The following ZFHX4 variants were observed in gnomAD, a reference collection of about 807,000 sequenced individuals.
ZFHX4 encodes the protein zinc finger homeobox protein 4.
ZFHX4 carries 56 observed loss-of-function variants against 267.6 expected under a neutral mutation model. The observed-to-expected ratio is 0.21, with a 90% CI of 0.17 to 0.26. The LOEUF is 0.26. ZFHX4 is among the 10% of genes least tolerant of loss of function. ZFHX4 has a pLI of 1.00. For missense variants in ZFHX4, 4,332 were observed against 4,420.0 expected (o/e 0.98, Z 0.56); for synonymous variants, 1,778 against 1,665.6 (o/e 1.07, Z -1.64).
intron 4 of ZFHX4, among the ~76,000 whole-genome samples, chr8:76,825,539 C>G (rs544356708): frequency 2.6e-5 from 4 of 152,220 alleles, no homozygotes; most frequent in Non-Finnish European, 5.9e-5. Context: ...TTTTATGTCA[C>G]TGATGTTTCA....
Position 76,852,762 on chromosome 8 carries a change from A to G in ZFHX4, c.5841A>G (p.Glu1947=), listed in dbSNP as rs1317772989. 1 of 1,613,470 alleles carries G rather than the reference A, an allele frequency of 6.2e-7. No homozygotes were observed. The highest frequency in any genetic ancestry group is 8.5e-7 in the Non-Finnish European group (1 of 1,179,700). Residue 1947 remains glutamate, a synonymous_variant, in exon 10 of 11, where the codon GAA becomes GAG. Coordinates refer to ENST00000651372, the MANE Select transcript of ZFHX4 (RefSeq NM_024721.5). Reference sequence around the variant, plus strand: ...AAGGCGAAAACACTGACAAACTAGAATGTGGAACATGTGGTAAATTGTTTT... The same window carrying G: ...AAGGCGAAAACACTGACAAACTAGAGTGTGGAACATGTGGTAAATTGTTTT... ...SGEGENTDKL[E]CGTCGKLFSN...
At chr8:76,839,656 A>G (rs891281588) in intron 5 of ZFHX4, among the ~76,000 whole-genome samples, 1 of 152,226 alleles carries the variant, frequency 6.6e-6, no homozygotes, top group Non-Finnish European at 1.5e-5. Flanking sequence ...CATGTAATAT[A>G]TTAGTGAAGA....
At chr8:76,709,965 C>T (rs965692292) in intron 3 of ZFHX4, among the ~76,000 whole-genome samples, 1 of 151,772 alleles carries the variant, frequency 6.6e-6, no homozygotes, top group African/African-American at 2.4e-5. Context: ...TTATAACAAC[C>T]AATTAAGACA....
chr8:76,708,078 C>A (rs773981393), intron 3 of ZFHX4, 30 bp downstream of exon 3: 4 of 1,609,138 alleles, frequency 2.5e-6, no homozygotes, highest in Admixed American at 1.7e-5. Context: ...TCCGTTGGCA[C>A]AGAGTAGAAA....
chr8:76,742,681 T>C (rs1809351823), intron 3 of ZFHX4, among the ~76,000 whole-genome samples: 2 of 152,196 alleles, frequency 1.3e-5, no homozygotes, highest in South Asian at 4.1e-4. Flanking sequence ...ACACACTTAA[T>C]TGAACAGTAT....
rs1178584339 is a variant in ZFHX4 at position 76,853,573 on chromosome 8, T to C, written c.6652T>C (p.Tyr2218His). The C allele has an allele frequency of 6.2e-7, 1 of 1,613,816 alleles. No individual in the cohort carries two copies. The highest frequency in any genetic ancestry group is 8.5e-7 in the Non-Finnish European group (1 of 1,179,854). The change falls in exon 10 of 11, where the codon TAC becomes CAC. Residue 2218 changes from tyrosine to histidine, a missense_variant. Tyr to His is a moderately conservative substitution (Grantham distance 83). This residue lies in a region of ZFHX4 where 62 missense variants were observed against 69.8 expected (regional missense o/e 0.89). Coordinates refer to ENST00000651372, the MANE Select transcript of ZFHX4 (RefSeq NM_024721.5). ...IDPQPTSLEHYKSDASFSKRS... is the reference protein window; with the variant it reads ...IDPQPTSLEHHKSDASFSKRS... ...TCCACAGCCCACCTCTTTAGAACAT[T>C]ACAAATCTGATGCATCATTCAGTAA...
chr8:76,773,966 A>G (rs1320685401), intron 3 of ZFHX4, among the ~76,000 whole-genome samples: 2 of 152,096 alleles, frequency 1.3e-5, no homozygotes, highest in African/African-American at 4.8e-5. Context: ...CTGTGAAACT[A>G]AGAATTCTGT....
At chr8:76,761,524 G>T (rs1039872520) in intron 3 of ZFHX4, among the ~76,000 whole-genome samples, 5 of 151,920 alleles carry the variant, frequency 3.3e-5, no homozygotes, top group Admixed American at 2.6e-4. Context: ...ATTACAGTTA[G>T]GTTATTATAT....
At chr8:76,764,145 G>T (rs1408631114) in intron 3 of ZFHX4, among the ~76,000 whole-genome samples, 2 of 152,046 alleles carry the variant, frequency 1.3e-5, no homozygotes, top group African/African-American at 4.8e-5. Context: ...ACTATACAAA[G>T]AACTATGAAA....
At chr8:76,712,557 G>C (rs548109456) in intron 3 of ZFHX4, among the ~76,000 whole-genome samples, 1 of 151,918 alleles carries the variant, frequency 6.6e-6, no homozygotes, top group Non-Finnish European at 1.5e-5. Context: ...CGGTGTGATG[G>C]TAAAGGAAGT....
rs2131990143 is a variant in ZFHX4, at chr8:76,866,157, T to A, written c.*1592T>A. The A allele has an allele frequency of 6.5e-6, 1 of 152,782 alleles. No individual in the cohort carries two copies. The highest frequency in any genetic ancestry group is 1.9e-4 in the East Asian group (1 of 5,188). 9.5% of individuals were successfully genotyped at this position (152,782 alleles called of 1,614,324 possible). On this transcript the variant is annotated 3_prime_UTR_variant, in exon 11 of 11. Transcript: ENST00000651372. ...GTTATTTGTAAGAAAGTTAAAGGCT[T>A]GTGAACAAAGAAAGCTAAGCTGTTG...
chr8:76,841,603 T>C (rs1388840736), intron 5 of ZFHX4, among the ~76,000 whole-genome samples: 2 of 152,198 alleles, frequency 1.3e-5, no homozygotes, highest in African/African-American at 4.8e-5. Flanking sequence ...CGGTGACCTT[T>C]TGCCTTTCCA....
At chr8:76,716,537 G>A (rs1283330774) in intron 3 of ZFHX4, among the ~76,000 whole-genome samples, 2 of 152,090 alleles carry the variant, frequency 1.3e-5, no homozygotes, top group Admixed American at 6.6e-5. Flanking sequence ...TTCAGCTTAT[G>A]CCCCTAGCCC....
intron 3 of ZFHX4, among the ~76,000 whole-genome samples, chr8:76,775,912 TA>T (rs1434887369): frequency 6.6e-6 from 1 of 150,800 alleles, no homozygotes; most frequent in Non-Finnish European, 1.5e-5. Flanking sequence ...TTTTTTTTTT[TA>T]ATGTGAAAGT....
At position 76,708,154 on chromosome 8, in the gene ZFHX4, A is replaced by T. The variant is rs749613824; in HGVS notation, c.3093+106A>T. The T allele has an allele frequency of 9.9e-6, 14 of 1,408,090 alleles. 1 individual carries two copies. The East Asian group carries it at 3.2e-4, about 32-fold the overall frequency. The allele number at this position is 1,408,090 out of a possible 1,614,324, so 87.2% of individuals were successfully genotyped here. A position where few individuals can be genotyped will look rare whatever the true frequency, so the allele number is the denominator to read the frequency against. ...ACTTAAGGAAAAAAAAAGAGAAAAA[A>T]CATCAAAGGGCAGGGGGCACAGTTT... is the stretch of plus-strand genomic sequence containing the variant. On this transcript the variant is annotated intron_variant, in intron 3 of 10. Transcript: ENST00000651372.
chr8:76,682,973 T>A (rs1423712745), intron 1 of ZFHX4: 4 of 152,238 alleles, frequency 2.6e-5, no homozygotes, highest in Non-Finnish European at 4.4e-5. Context: ...TCTCTGCCGA[T>A]GTCCAAGTTA....
chr8:76,768,319 T>G (rs920200368), intron 3 of ZFHX4, among the ~76,000 whole-genome samples: 1 of 152,192 alleles, frequency 6.6e-6, no homozygotes, highest in Non-Finnish European at 1.5e-5. Flanking sequence ...GGATTTTAAT[T>G]GCAGGAGTGG....
intron 3 of ZFHX4, among the ~76,000 whole-genome samples, chr8:76,768,289 G>A (rs967010735): frequency 6.6e-6 from 1 of 152,172 alleles, no homozygotes; most frequent in Non-Finnish European, 1.5e-5. Context: ...ATTCTTGGTA[G>A]GCATTGGGGT....
chr8:76,709,112 C>A (rs776788081), intron 3 of ZFHX4, among the ~76,000 whole-genome samples: 1 of 152,114 alleles, frequency 6.6e-6, no homozygotes, highest in Non-Finnish European at 1.5e-5. Flanking sequence ...AAAATTATAA[C>A]CACACATGAA....
Sources: allele counts gnomAD v4.1 joint callset (sites outside exome capture counted in the v4.1 genomes callset), GRCh38; gene constraint gnomAD v4.1.1; regional missense constraint gnomAD v4.1.1; transcripts MANE v1.5; gene names NCBI Gene and HGNC (gene_info 2026-07-23, HGNC 2026-07-21).